Variants in TET3 observed in about 807,000 individuals in gnomAD.
TET3 encodes the protein methylcytosine dioxygenase TET3.
In TET3, 19 loss-of-function variants were observed where a neutral mutation model predicts 141.4. That is an observed-to-expected ratio of 0.13 (90% confidence interval 0.09 to 0.20). The LOEUF is 0.20. Among genes scored for constraint, TET3 ranks in the 10% least tolerant of loss-of-function variants. The pLI is 1.00. For missense variants in TET3, 1,874 were observed against 2,356.9 expected (o/e 0.80, Z 4.24); for synonymous variants, 1,043 against 980.9 (o/e 1.06, Z -1.18).
At chr2:74,002,341 TAG>T (rs1684890349) in intron 2 of TET3, among the ~76,000 whole-genome samples, 1 of 152,238 alleles carries the variant, frequency 6.6e-6, no homozygotes, top group African/African-American at 2.4e-5. Context: ...ATGCTGGGGT[TAG>T]AGAGTGGCGA....
intron 3 of TET3, among the ~76,000 whole-genome samples, chr2:74,006,806 G>A (rs892963783): frequency 2.0e-5 from 3 of 152,088 alleles, no homozygotes; most frequent in African/African-American, 2.4e-5. Flanking sequence ...TCTCACACCC[G>A]GGCATCTGGC....
intron 4 of TET3, among the ~76,000 whole-genome samples, chr2:74,053,242 G>T (rs35749047): frequency 0.33 from 50,537 of 151,964 alleles, 9,328 homozygotes; most frequent in African/African-American, 0.49. Context: ...TCATTGGAGA[G>T]TCCCCCCCCA....
chr2:73,988,556 G>A (rs562079317), intron 2 of TET3, among the ~76,000 whole-genome samples: 1 of 152,286 alleles, frequency 6.6e-6, no homozygotes, highest in East Asian at 1.9e-4. Context: ...GGGTGGTCTT[G>A]GTTAAGATAT....
chr2:74,113,021 A>C (rs1300795760), downstream of TET3, among the ~76,000 whole-genome samples: 3 of 150,110 alleles, frequency 2.0e-5, no homozygotes, highest in South Asian at 2.1e-4. Flanking sequence ...AAAAAAAAAA[A>C]AAAAAAAAAA....
chr2:74,110,717 T>A (rs571996331), downstream of TET3, among the ~76,000 whole-genome samples: 3 of 152,118 alleles, frequency 2.0e-5, no homozygotes, highest in Non-Finnish European at 4.4e-5. Context: ...GCCTGCCCAA[T>A]TTCCCTCACC....
At chr2:74,053,243 T>TTC (rs543268248) in intron 4 of TET3, among the ~76,000 whole-genome samples, 1 of 151,130 alleles carries the variant, frequency 6.6e-6, no homozygotes, top group Non-Finnish European at 1.5e-5. Flanking sequence ...CATTGGAGAG[T>TTC]CCCCCCCCAA....
At chr2:74,050,740 C>T (rs141435472) in intron 4 of TET3, among the ~76,000 whole-genome samples, 2 of 151,804 alleles carry the variant, frequency 1.3e-5, no homozygotes, top group East Asian at 1.9e-4. Flanking sequence ...TTTGTGGAGA[C>T]GAGGTCTCAC....
At chr2:74,041,426 G>T (rs369015716) in intron 3 of TET3, among the ~76,000 whole-genome samples, 2 of 152,162 alleles carry the variant, frequency 1.3e-5, no homozygotes, top group Admixed American at 6.5e-5. Context: ...CCTCCATTCA[G>T]TGGGGGACTG....
intron 4 of TET3, among the ~76,000 whole-genome samples, chr2:74,060,429 A>G (rs1439040367): frequency 1.3e-5 from 2 of 152,216 alleles, no homozygotes; most frequent in African/African-American, 4.8e-5. Flanking sequence ...TGCAGTTCTC[A>G]GAGTAGAGTA....
At chr2:74,025,945 AAATAAT>A (rs1016900981) in intron 3 of TET3, among the ~76,000 whole-genome samples, 4 of 152,108 alleles carry the variant, frequency 2.6e-5, no homozygotes, top group African/African-American at 4.8e-5. Context: ...CTCCAAAAAA[AAATAAT>A]AATAATAATT....
In TET3 at chr2:74,102,011, G is replaced by A. The variant is rs777910245; in HGVS notation, c.5223G>A (p.Gly1741=). 48 of 1,586,812 alleles carry A rather than the reference G, an allele frequency of 3.0e-5. 1 individual carries two copies. The South Asian group carries it at 5.2e-4, about 17-fold the overall frequency. Reference sequence around the variant, plus strand: ...GCCAGCAGGAGGCCAAGCTCTACGGGAAGAAGCGCAAGTGGGGGGGCACTG... The same window carrying A: ...GCCAGCAGGAGGCCAAGCTCTACGGAAAGAAGCGCAAGTGGGGGGGCACTG... ...GLGQQEAKLY[G]KKRKWGGTVV... Residue 1741 remains glycine (G), a synonymous_variant, in exon 12 of 12, where the codon GGG becomes GGA. Coordinates refer to ENST00000409262, the MANE Select transcript of TET3 (RefSeq NM_001287491.2).
chr2:74,016,568 A>G (rs1225616492), intron 3 of TET3, among the ~76,000 whole-genome samples: 1 of 152,050 alleles, frequency 6.6e-6, no homozygotes, highest in Non-Finnish European at 1.5e-5. Flanking sequence ...CTAAAAATAC[A>G]AAAATTAGCC....
chr2:74,025,622 A>C (rs1170298694), intron 3 of TET3, among the ~76,000 whole-genome samples: 1 of 152,200 alleles, frequency 6.6e-6, no homozygotes, highest in African/African-American at 2.4e-5. Flanking sequence ...CATCAAAATC[A>C]GGAAGTTAAT....
At chr2:74,010,740 A>T (rs1004597112) in intron 3 of TET3, among the ~76,000 whole-genome samples, 7 of 152,220 alleles carry the variant, frequency 4.6e-5, no homozygotes, top group African/African-American at 1.7e-4. Context: ...GGGTTGCCCC[A>T]GAAATTTTTT....
intron 4 of TET3, among the ~76,000 whole-genome samples, chr2:74,055,913 C>A (rs531354025): frequency 6.6e-5 from 10 of 152,288 alleles, no homozygotes; most frequent in Non-Finnish European, 1.5e-4. Flanking sequence ...CCGATCAACA[C>A]GAAGGGCCTC....
chr2:74,104,870 T>A lies in TET3; in HGVS notation c.*2694T>A. 1 of 283,282 alleles carries A rather than the reference T, an allele frequency of 3.5e-6. No homozygotes were observed. The highest frequency in any genetic ancestry group is 6.5e-6 in the Non-Finnish European group (1 of 154,428). 17.5% of individuals were successfully genotyped at this position (283,282 alleles called of 1,614,324 possible). On this transcript the variant is annotated 3_prime_UTR_variant, in exon 12 of 12. Transcript: ENST00000409262. ...GAGGTGAGTCAAGAGGCAGTCTCCA[T>A]TGGATGTCCCCACTCCCCGCAGAAT...
the TET3 span, among the ~76,000 whole-genome samples, chr2:74,125,004 AT>A: frequency 2.5e-5 from 3 of 120,310 alleles, no homozygotes; most frequent in African/African-American, 3.7e-5. Context: ...ACTACTCGGA[AT>A]TTTTTTTCTT....
chr2:73,993,962 T>A (rs1228695112), intron 2 of TET3, among the ~76,000 whole-genome samples: 1 of 151,936 alleles, frequency 6.6e-6, no homozygotes, highest in Non-Finnish European at 1.5e-5. Flanking sequence ...CAAGATGAAG[T>A]AGTAGGCGAG....
chr2:74,090,375 C>G (rs1392706897), intron 8 of TET3, among the ~76,000 whole-genome samples: 2 of 152,248 alleles, frequency 1.3e-5, no homozygotes, highest in East Asian at 3.9e-4. Flanking sequence ...TTCTCCCCCC[C>G]ATCTTCCCAG....
Sources: allele counts gnomAD v4.1 joint callset (sites outside exome capture counted in the v4.1 genomes callset), GRCh38; gene constraint gnomAD v4.1.1; transcripts MANE v1.5; gene names NCBI Gene and HGNC (gene_info 2026-07-23, HGNC 2026-07-21).